Variants in PEAK1 observed in about 807,000 individuals in gnomAD.
The protein encoded by PEAK1 is inactive tyrosine-protein kinase PEAK1.
Under a neutral mutation model 124.7 loss-of-function variants are expected in PEAK1, and 54 were observed. That is an observed-to-expected ratio of 0.43 (90% confidence interval 0.35 to 0.54). The LOEUF is 0.54. Ranked by LOEUF, PEAK1 falls within the 20% of genes least tolerant of loss-of-function variation. PEAK1 has a pLI of 0.01. For missense variants in PEAK1, 2,046 were observed against 2,134.5 expected (o/e 0.96, Z 0.82); for synonymous variants, 719 against 760.0 (o/e 0.95, Z 0.89).
intron 6 of PEAK1, among the ~76,000 whole-genome samples, chr15:77,214,980 C>T (rs2059083225): frequency 6.6e-6 from 1 of 152,094 alleles, no homozygotes; most frequent in African/African-American, 2.4e-5. Context: ...AATGGAATTG[C>T]TAGGTCAAAT....
chr15:77,192,863 A>G (rs976312974), intron 6 of PEAK1, among the ~76,000 whole-genome samples: 6 of 152,150 alleles, frequency 3.9e-5, no homozygotes, highest in Non-Finnish European at 8.8e-5. Context: ...TCTTTATATT[A>G]TACAAGTAAT....
chr15:77,161,478 TTAAAG>T (rs1462495262), intron 7 of PEAK1, among the ~76,000 whole-genome samples: 2 of 152,188 alleles, frequency 1.3e-5, no homozygotes, highest in Non-Finnish European at 1.5e-5. Context: ...AAATCATCAA[TTAAAG>T]TAATTGTCAA....
intron 2 of PEAK1, among the ~76,000 whole-genome samples, chr15:77,327,145 G>T (rs1490041631): frequency 2.0e-5 from 3 of 152,022 alleles, no homozygotes; most frequent in African/African-American, 7.2e-5. Context: ...GAGTAACCTG[G>T]ATTTTAGAAA....
intron 7 of PEAK1, among the ~76,000 whole-genome samples, chr15:77,175,433 G>T (rs1358274848): frequency 2.6e-5 from 4 of 151,252 alleles, no homozygotes; most frequent in Admixed American, 1.3e-4. Context: ...CCATCAAAAA[G>T]TGGGCAAAGG....
chr15:77,136,665 C>T (rs1235765804), intron 8 of PEAK1, among the ~76,000 whole-genome samples: 1 of 150,860 alleles, frequency 6.6e-6, no homozygotes, highest in Admixed American at 6.6e-5. Flanking sequence ...GACCCCGTCT[C>T]CAAAAAAATA....
chr15:77,401,860 C>T, intron 1 of PEAK1: 1 of 985,114 alleles, frequency 1.0e-6, no homozygotes, highest in East Asian at 1.1e-4. Context: ...ATTATATTTT[C>T]TATGCTAAGA....
chr15:77,333,280 G>A (rs1053195154), intron 2 of PEAK1: 61 of 951,648 alleles, frequency 6.4e-5, no homozygotes, highest in African/African-American at 3.7e-4. Flanking sequence ...CCACTGTGCC[G>A]GATTCAATCA....
exon 7 of PEAK1, chr15:77,102,096 T>C (rs1458464179): frequency 6.6e-6 from 1 of 152,192 alleles, no homozygotes; most frequent in Non-Finnish European, 1.5e-5. Flanking sequence ...AATTTTACCT[T>C]CCACATTTTC....
chr15:77,146,995 T>C (rs564043481), intron 8 of PEAK1, among the ~76,000 whole-genome samples: 17 of 152,352 alleles, frequency 1.1e-4, no homozygotes, highest in South Asian at 6.2e-4. Context: ...AGAAGACTTA[T>C]GTGTTTTCTT....
rs533472109 is a variant in PEAK1 at position 77,174,855 on chromosome 15, A to T, written c.3137+3935T>A. 7.1e-3 allele frequency among the ~76,000 whole-genome samples: 1,078 copies of T among 152,090 alleles called. 15 individuals are homozygous for T. The highest frequency in any genetic ancestry group is 0.025 in the African/African-American group (1,024 of 41,458). On this transcript the variant is annotated intron_variant, in intron 7 of 9. Coordinates refer to ENST00000682557, the MANE Select transcript of PEAK1 (RefSeq NM_001385026.1). ...CACGCTACCTGACTTCAAACTATAC[A>T]ACAAGGCTACAGTAACCAAAACAGC...
chr15:77,397,114 T>C (rs901125170), intron 1 of PEAK1, among the ~76,000 whole-genome samples: 12 of 152,190 alleles, frequency 7.9e-5, no homozygotes, highest in Admixed American at 3.9e-4. Flanking sequence ...AAGTATCTTA[T>C]CTGACCACAA....
At chr15:77,136,391 C>T (rs533221994) in intron 8 of PEAK1, among the ~76,000 whole-genome samples, 3 of 152,220 alleles carry the variant, frequency 2.0e-5, no homozygotes, top group East Asian at 3.9e-4. Context: ...TTTGGTTTGG[C>T]GCAGTGGCTC....
At chr15:77,134,213 G>A (rs1162171614) in intron 8 of PEAK1, among the ~76,000 whole-genome samples, 3 of 152,150 alleles carry the variant, frequency 2.0e-5, no homozygotes, top group Admixed American at 2.0e-4. Flanking sequence ...CATTAGACAG[G>A]GGCTCAGAAG....
At chr15:77,136,482 A>G (rs960875742) in intron 8 of PEAK1, among the ~76,000 whole-genome samples, 1 of 152,056 alleles carries the variant, frequency 6.6e-6, no homozygotes, top group Non-Finnish European at 1.5e-5. Context: ...CCTGGCCAAC[A>G]TGGTGAAACC....
intron 2 of PEAK1, among the ~76,000 whole-genome samples, chr15:77,340,613 T>C (rs578134517): frequency 2.0e-5 from 3 of 152,166 alleles, no homozygotes; most frequent in South Asian, 2.1e-4. Flanking sequence ...ATATAAAGAG[T>C]GAACCACAGT....
chr15:77,229,553 C>T (rs1038644072), intron 6 of PEAK1, among the ~76,000 whole-genome samples: 2 of 152,140 alleles, frequency 1.3e-5, no homozygotes, highest in Non-Finnish European at 2.9e-5. Flanking sequence ...TCCAGTAAAT[C>T]AACATTAATA....
At position 77,355,658 on chromosome 15, in the gene PEAK1, C is replaced by T. The variant is rs899287016; in HGVS notation, c.-603+9505G>A. On this transcript the variant is annotated intron_variant, in intron 2 of 9. Transcript: ENST00000682557. Reference sequence around the variant, plus strand: ...CTATATGGCCCTCTATGAAGGGCTACAGACCTGGCATGGAAGAAGGCTTAC... The same window carrying T: ...CTATATGGCCCTCTATGAAGGGCTATAGACCTGGCATGGAAGAAGGCTTAC... The T allele has an allele frequency of 1.5e-5, 10 of 673,784 alleles. No individual in the cohort carries two copies. The South Asian group carries it at 6.6e-4, about 45-fold the overall frequency. 41.7% of individuals were successfully genotyped at this position (673,784 alleles called of 1,614,324 possible).
chr15:77,185,083 G>A (rs2057473642), intron 6 of PEAK1, among the ~76,000 whole-genome samples: 1 of 152,186 alleles, frequency 6.6e-6, no homozygotes, highest in Non-Finnish European at 1.5e-5. Context: ...GTGGTGTCAG[G>A]GAAGGCAGAG....
chr15:77,298,934 A>T (rs2063650642), intron 2 of PEAK1, among the ~76,000 whole-genome samples: 2 of 152,166 alleles, frequency 1.3e-5, no homozygotes, highest in Non-Finnish European at 2.9e-5. Context: ...GCCAACTGGC[A>T]CTACCATATA....
Sources: allele counts gnomAD v4.1 joint callset (sites outside exome capture counted in the v4.1 genomes callset), GRCh38; gene constraint gnomAD v4.1.1; transcripts MANE v1.5; gene names NCBI Gene and HGNC (gene_info 2026-07-23, HGNC 2026-07-21).